The following AMPH variants were observed in gnomAD, a reference collection of about 807,000 sequenced individuals.
The protein encoded by AMPH is amphiphysin (Stiff-Mann syndrome with breast cancer 128kD autoantigen).
In AMPH, 49 loss-of-function variants were observed where a neutral mutation model predicts 99.1. The observed-to-expected ratio is 0.49, with a 90% confidence interval of 0.39 to 0.63. AMPH has a LOEUF of 0.63. Ranked by LOEUF, AMPH falls within the 20% of genes least tolerant of loss-of-function variation. The pLI, the probability that AMPH is intolerant of heterozygous loss-of-function variation, is 0.00. For synonymous variants in AMPH, 314 were observed against 317.3 expected (o/e 0.99, Z 0.11); for missense variants, 759 against 863.4 (o/e 0.88, Z 1.52).
intron 1 of AMPH, among the ~76,000 whole-genome samples, chr7:38,628,952 G>A (rs766078154): frequency 1.3e-5 from 2 of 152,170 alleles, no homozygotes; most frequent in Non-Finnish European, 2.9e-5. Context: ...AAGCTTTTAG[G>A]TGAAGCACAG....
intron 5 of AMPH, among the ~76,000 whole-genome samples, chr7:38,479,233 T>C (rs1020070493): frequency 1.3e-5 from 2 of 152,072 alleles, no homozygotes; most frequent in African/African-American, 4.8e-5. Flanking sequence ...AATTACGGGA[T>C]GCTAATCTTC....
At chr7:38,631,161 C>G in intron 1 of AMPH, 122 bp downstream of exon 1, 1 of 896,756 alleles carries the variant, frequency 1.1e-6, no homozygotes, top group Non-Finnish European at 1.4e-6. Context: ...GTCCCTGGCC[C>G]CGGCCCCGCT....
At chr7:38,466,454 A>C (rs557058053) in intron 7 of AMPH, among the ~76,000 whole-genome samples, 1 of 152,188 alleles carries the variant, frequency 6.6e-6, no homozygotes, top group East Asian at 1.9e-4. Flanking sequence ...TTTGGCATAG[A>C]GCATGACCTC....
chr7:38,464,813 A>C (rs990261714), intron 9 of AMPH, among the ~76,000 whole-genome samples: 1 of 152,172 alleles, frequency 6.6e-6, no homozygotes, highest in Non-Finnish European at 1.5e-5. Flanking sequence ...TGAGTACGTA[A>C]AGTCTACGAA....
chr7:38,491,100 C>A lies in AMPH; in HGVS notation c.346G>T (p.Gly116Trp). The A allele has an allele frequency of 6.2e-7, 1 of 1,613,190 alleles. No individual in the cohort carries two copies. The highest frequency in any genetic ancestry group is 8.5e-7 in the Non-Finnish European group (1 of 1,179,350). The change falls in exon 5 of 21, where the codon GGG (glycine) becomes TGG (tryptophan). Residue 116 changes from glycine to tryptophan, a missense_variant. Physicochemically the swap from Gly to Trp is radical, Grantham distance 184 (BLOSUM62 -2). Around this residue, in one of 2 missense-constraint regions of AMPH, gnomAD observed 205 missense variants for 287.9 expected, o/e 0.71. Transcript: ENST00000356264. ...TAGGTATCCAGTGTTAGCAAGGACC[C>A]ATCCACGAGTTTTTGATGGAAGTCT... is the stretch of plus-strand genomic sequence containing the variant. Reference protein sequence around the residue: ...WEDFHQKLVDGSLLTLDTYLG... With the variant: ...WEDFHQKLVDWSLLTLDTYLG...
At chr7:38,604,391 T>C (rs1793358247) in intron 1 of AMPH, among the ~76,000 whole-genome samples, 1 of 152,212 alleles carries the variant, frequency 6.6e-6, no homozygotes, top group South Asian at 2.1e-4. Context: ...CCTCTGCACC[T>C]TCGGCAAGCC....
At chr7:38,430,607 G>A (rs1271356570) in intron 13 of AMPH, among the ~76,000 whole-genome samples, 1 of 152,136 alleles carries the variant, frequency 6.6e-6, no homozygotes, top group Non-Finnish European at 1.5e-5. Context: ...TTCCACTAAA[G>A]ATATAAAATA....
chr7:38,491,804 A>G (rs1003897763), intron 4 of AMPH, among the ~76,000 whole-genome samples: 31 of 152,206 alleles, frequency 2.0e-4, no homozygotes, highest in Non-Finnish European at 3.2e-4. Context: ...AAGTTGATAA[A>G]TGACAGACAC....
At chr7:38,386,482 A>G (rs1347790647) in intron 20 of AMPH, among the ~76,000 whole-genome samples, 8 of 152,244 alleles carry the variant, frequency 5.3e-5, no homozygotes, top group Admixed American at 4.6e-4. Flanking sequence ...ACTTGTAAAG[A>G]ATATTAGCCA....
At position 38,429,807 on chromosome 7, in the gene AMPH, C is replaced by G. The variant is rs758677798; in HGVS notation, c.1182+35G>C. The G allele has an allele frequency of 7.5e-6, 12 of 1,594,262 alleles. No homozygotes were observed. The East Asian group carries it at 2.5e-4, about 33-fold the overall frequency. Reference sequence around the variant, plus strand: ...TATGTATGTAATGCATATCAAATACCAAAAAAATCCAGAATGATCTGGATA... The same window carrying G: ...TATGTATGTAATGCATATCAAATACGAAAAAAATCCAGAATGATCTGGATA... On this transcript the variant is annotated intron_variant, in intron 14 of 20. Coordinates refer to ENST00000356264, the MANE Select transcript of AMPH (RefSeq NM_001635.4).
chr7:38,406,103 C>G (rs1214639793), intron 17 of AMPH, among the ~76,000 whole-genome samples: 1 of 152,112 alleles, frequency 6.6e-6, no homozygotes, highest in Non-Finnish European at 1.5e-5. Flanking sequence ...AATTAAACAA[C>G]TTGCTCCTGA....
At chr7:38,506,325 A>G (rs1789322002) in intron 2 of AMPH, among the ~76,000 whole-genome samples, 1 of 152,218 alleles carries the variant, frequency 6.6e-6, no homozygotes, top group African/African-American at 2.4e-5. Context: ...AGTGAACAGA[A>G]AAGAAATAAA....
chr7:38,463,356 C>T (rs1481881546), intron 9 of AMPH: 11 of 608,598 alleles, frequency 1.8e-5, no homozygotes, highest in African/African-American at 1.5e-4. Flanking sequence ...GTTTTATTGT[C>T]CCCACTTTAC....
intron 1 of AMPH, among the ~76,000 whole-genome samples, chr7:38,624,994 C>A (rs1475607735): frequency 2.6e-5 from 4 of 151,928 alleles, no homozygotes; most frequent in African/African-American, 9.7e-5. Flanking sequence ...GAAAAAGCAA[C>A]CAATTATCAC....
At chr7:38,429,233 G>A (rs971569264) in intron 14 of AMPH, 40 of 1,287,954 alleles carry the variant, frequency 3.1e-5, no homozygotes, top group Non-Finnish European at 3.7e-5. Context: ...AAGCAGCAAT[G>A]GCAACTCCAG....
Position 38,515,767 on chromosome 7 carries a change from G to A in AMPH, c.151-12063C>T, listed in dbSNP as rs1789716035. On this transcript the variant is annotated intron_variant, in intron 2 of 20. Transcript: ENST00000356264. ...GAGGGAAAGTTTGGAACTTCCTAGA[G>A]ACTCATTAAATTGTTGTAACCAAAA... Among the ~76,000 whole-genome samples the A allele has an allele frequency of 2.6e-5, 4 of 152,348 alleles. 1 individual carries two copies. In the Middle Eastern group the frequency reaches 0.014, roughly 518 times the overall value.
chr7:38,396,591 T>C (rs1043141270), intron 17 of AMPH, among the ~76,000 whole-genome samples: 1 of 152,244 alleles, frequency 6.6e-6, no homozygotes, highest in Non-Finnish European at 1.5e-5. Context: ...GAATTATAAA[T>C]GCTGATCATT....
chr7:38,630,492 A>G (rs1794416528), intron 1 of AMPH, among the ~76,000 whole-genome samples: 2 of 152,342 alleles, frequency 1.3e-5, no homozygotes, highest in East Asian at 3.9e-4. Context: ...GCAAAACAAC[A>G]GAGAACCCAA....
intron 3 of AMPH, 32 bp downstream of exon 3, chr7:38,503,618 G>C (rs765459395): frequency 6.2e-7 from 1 of 1,605,734 alleles, no homozygotes; most frequent in Admixed American, 1.7e-5. Context: ...CCTGTGCTAA[G>C]TAACATGCAG....
Sources: allele counts gnomAD v4.1 joint callset (sites outside exome capture counted in the v4.1 genomes callset), GRCh38; gene constraint gnomAD v4.1.1; regional missense constraint gnomAD v4.1.1; transcripts MANE v1.5; gene names NCBI Gene and HGNC (gene_info 2026-07-23, HGNC 2026-07-21).